RABGAP1L: variants seen among roughly 807,000 people sequenced by gnomAD.
RABGAP1L encodes RAB GTPase activating protein 1 like.
In RABGAP1L, 63 loss-of-function variants were observed where a neutral mutation model predicts 137.7. The ratio of observed to expected loss-of-function variants is 0.46; its 90% CI spans 0.37 to 0.56. The LOEUF (loss-of-function observed/expected upper bound fraction) is 0.56, where lower values mean the gene tolerates loss of function less well. Ranked by LOEUF, RABGAP1L falls within the 20% of genes least tolerant of loss-of-function variation. The pLI, the probability that RABGAP1L is intolerant of heterozygous loss-of-function variation, is 0.00. For missense variants in RABGAP1L, 1,095 were observed against 1,244.0 expected, an observed-to-expected ratio of 0.88 and a Z score of 1.80; for synonymous variants, 431 against 433.7, an observed-to-expected ratio of 0.99 and a Z score of 0.08.
intron 21 of RABGAP1L, among the ~76,000 whole-genome samples, chr1:174,972,484 C>T (rs1670220087): frequency 6.6e-6 from 1 of 152,196 alleles, no homozygotes; most frequent in South Asian, 2.1e-4. Flanking sequence ...TTAGAACTTT[C>T]AGTATCAATG....
At chr1:174,758,878 C>T (rs1031630981) in intron 18 of RABGAP1L, among the ~76,000 whole-genome samples, 22 of 152,268 alleles carry the variant, frequency 1.4e-4, no homozygotes, top group African/African-American at 5.3e-4. Flanking sequence ...GGACTCTACC[C>T]AGCTGCTCAA....
At chr1:174,699,141 T>C (rs1679467838) in intron 15 of RABGAP1L, among the ~76,000 whole-genome samples, 1 of 152,004 alleles carries the variant, frequency 6.6e-6, no homozygotes, top group African/African-American at 2.4e-5. Flanking sequence ...TACACACTCA[T>C]GTTGCCACAC....
At chr1:174,950,695 A>C (rs928237125) in intron 19 of RABGAP1L, among the ~76,000 whole-genome samples, 19 of 152,184 alleles carry the variant, frequency 1.2e-4, no homozygotes, top group African/African-American at 4.3e-4. Context: ...TTCTCTGTCC[A>C]TTGATTAATA....
chr1:174,622,808 A>T (rs1227655459), intron 13 of RABGAP1L, among the ~76,000 whole-genome samples: 3 of 152,220 alleles, frequency 2.0e-5, no homozygotes, highest in African/African-American at 7.2e-5. Flanking sequence ...TACATATGTA[A>T]CTAACCTGCA....
At chr1:174,475,674 G>C (rs1051484867) in intron 13 of RABGAP1L, among the ~76,000 whole-genome samples, 1 of 150,988 alleles carries the variant, frequency 6.6e-6, no homozygotes, top group Admixed American at 6.6e-5. Flanking sequence ...GGGAGGCTGA[G>C]GTGGGAAGAT....
intron 13 of RABGAP1L, among the ~76,000 whole-genome samples, chr1:174,395,431 A>G (rs1469676635): frequency 6.6e-6 from 1 of 152,158 alleles, no homozygotes; most frequent in South Asian, 2.1e-4. Context: ...AATTAATATT[A>G]TGATAATGAC....
At chr1:174,647,390 C>T (rs558526900) in intron 14 of RABGAP1L, among the ~76,000 whole-genome samples, 141 of 152,190 alleles carry the variant, frequency 9.3e-4, no homozygotes, top group Non-Finnish European at 3.5e-4. Flanking sequence ...CCACCAATAC[C>T]TAGTTTATTG....
intron 10 of RABGAP1L, among the ~76,000 whole-genome samples, chr1:174,298,370 G>A (rs942208903): frequency 6.6e-6 from 1 of 152,186 alleles, no homozygotes; most frequent in Non-Finnish European, 1.5e-5. Context: ...CTCACCTACT[G>A]TCAGTAGCCT....
intron 13 of RABGAP1L, among the ~76,000 whole-genome samples, chr1:174,481,893 GA>G (rs554061082): frequency 1.6e-4 from 21 of 132,360 alleles, no homozygotes; most frequent in South Asian, 2.5e-4. Flanking sequence ...AAAAAAAAAA[GA>G]AAAAAAAAGA....
intron 19 of RABGAP1L, among the ~76,000 whole-genome samples, chr1:174,850,852 G>C (rs1193109128): frequency 6.6e-6 from 1 of 152,254 alleles, no homozygotes; most frequent in Non-Finnish European, 1.5e-5. Context: ...AAAGAGATTG[G>C]AAGTATGAGA....
At chr1:174,987,288 G>A (rs1255861393) in intron 24 of RABGAP1L, among the ~76,000 whole-genome samples, 1 of 151,692 alleles carries the variant, frequency 6.6e-6, no homozygotes, top group Admixed American at 6.6e-5. Flanking sequence ...TGCCTCAGCC[G>A]CCTGAGTAGC....
intron 19 of RABGAP1L, among the ~76,000 whole-genome samples, chr1:174,814,429 T>C (rs1333718771): frequency 6.6e-6 from 1 of 152,100 alleles, no homozygotes; most frequent in Admixed American, 6.6e-5. Context: ...TAACATATAA[T>C]TGTAGAGTGA....
chr1:174,668,759 C>G (rs898196923), intron 14 of RABGAP1L, among the ~76,000 whole-genome samples: 1 of 152,106 alleles, frequency 6.6e-6, no homozygotes, highest in Non-Finnish European at 1.5e-5. Flanking sequence ...TCTCCACATT[C>G]TTGCCAACAG....
chr1:174,636,373 A>C (rs146224458), intron 13 of RABGAP1L, among the ~76,000 whole-genome samples: 6,442 of 151,916 alleles, frequency 0.042, 368 homozygotes, highest in African/African-American at 0.14. Context: ...CACACACACA[A>C]AAAAAATAGC....
intron 13 of RABGAP1L, among the ~76,000 whole-genome samples, chr1:174,417,013 C>G (rs1252722202): frequency 6.6e-6 from 1 of 152,046 alleles, no homozygotes; most frequent in Non-Finnish European, 1.5e-5. Flanking sequence ...TATACACCAT[C>G]ACAAGTTTAT....
At chr1:174,806,187 A>G (rs562855851) in intron 18 of RABGAP1L, among the ~76,000 whole-genome samples, 1 of 152,250 alleles carries the variant, frequency 6.6e-6, no homozygotes, top group Non-Finnish European at 1.5e-5. Flanking sequence ...TTTAAAGCAT[A>G]GATCTTATGA....
At chr1:174,616,527 A>C (rs773811424) in intron 13 of RABGAP1L, among the ~76,000 whole-genome samples, 1 of 152,182 alleles carries the variant, frequency 6.6e-6, no homozygotes, top group Non-Finnish European at 1.5e-5. Context: ...TGGTCGACCT[A>C]GAGGTGGCAA....
chr1:174,372,404 T>C (rs1203689378), intron 12 of RABGAP1L, among the ~76,000 whole-genome samples: 2 of 152,152 alleles, frequency 1.3e-5, no homozygotes, highest in African/African-American at 2.4e-5. Context: ...CAGTGCTTTT[T>C]TCGGCGGGGG....
intron 1 of RABGAP1L, among the ~76,000 whole-genome samples, chr1:174,209,935 A>G (rs1444617868): frequency 6.6e-6 from 1 of 152,232 alleles, no homozygotes; most frequent in East Asian, 1.9e-4. Flanking sequence ...AAGTAAGTAA[A>G]GAGAATAAAA....
Sources: gnomAD v4.1 joint callset for allele counts (sites outside exome capture counted in the v4.1 genomes callset) on GRCh38, gnomAD v4.1.1 for gene constraint, MANE v1.5 for transcripts, NCBI Gene and HGNC (gene_info 2026-07-23, HGNC 2026-07-21) for gene names.